Variants in LTBP1 observed in about 807,000 individuals in gnomAD.
LTBP1 encodes the protein latent-transforming growth factor beta-binding protein 1.
Under a neutral mutation model 207.6 loss-of-function variants are expected in LTBP1, and 129 were observed. That is an observed-to-expected ratio of 0.62 (90% CI 0.54 to 0.72). LTBP1 has a LOEUF of 0.72. LTBP1 is among the 30% of genes least tolerant of loss of function. The pLI is 0.00. For synonymous variants in LTBP1, 963 were observed against 833.7 expected (o/e 1.16, Z -2.67); for missense variants, 2,281 against 2,217.2 (o/e 1.03, Z -0.58).
At chr2:33,398,239 C>G (rs2034693) in intron 33 of LTBP1, 125 bp from the exon 34 acceptor site, 1 of 771,712 alleles carries the variant, frequency 1.3e-6, no homozygotes, top group South Asian at 2.0e-5. Flanking sequence ...TTGTCTGTGA[C>G]TGAAGCAATG....
rs70938398 is a variant in LTBP1, at chr2:33,382,074, C to CTTTTTTTTTTTTTTTTTTTTTTT, written c.4712-7094_4712-7072dup. On this transcript the variant is annotated intron_variant, in intron 31 of 33. Transcript: ENST00000404816. ...TACAGCAGTTAGCGCCCTACTGCTT[C>CTTTTTTTTTTTTTTTTTTTTTTT]TTTTTTTTTTTTTTTTTTTTTTTTT... 4.3e-5 allele frequency among the ~76,000 whole-genome samples: 2 copies of CTTTTTTTTTTTTTTTTTTTTTTT among 46,764 alleles called. 1 individual carries two copies. Among genetic ancestry groups the CTTTTTTTTTTTTTTTTTTTTTTT allele is most frequent in the Non-Finnish European group, 8.0e-5 (2 of 24,958 alleles). 30.7% of individuals were successfully genotyped at this position (46,764 alleles called of 152,430 possible).
intron 31 of LTBP1, among the ~76,000 whole-genome samples, chr2:33,382,251 C>T (rs747113557): frequency 7.9e-5 from 12 of 151,676 alleles, no homozygotes; most frequent in African/African-American, 2.2e-4. Flanking sequence ...CACGCCACCA[C>T]GCCTGGCTAA....
intron 2 of LTBP1, among the ~76,000 whole-genome samples, chr2:32,973,563 A>G (rs2148617891): frequency 6.6e-6 from 1 of 152,274 alleles, no homozygotes; most frequent in Admixed American, 6.5e-5. Flanking sequence ...ATCTTTCCCT[A>G]CAAGGACCCC....
At chr2:33,147,130 T>C (rs1283054651) in intron 5 of LTBP1, among the ~76,000 whole-genome samples, 2 of 152,200 alleles carry the variant, frequency 1.3e-5, no homozygotes, top group Non-Finnish European at 2.9e-5. Context: ...GGTAATATTA[T>C]ACAACAGAAT....
intron 18 of LTBP1, among the ~76,000 whole-genome samples, chr2:33,278,022 CAG>C (rs995848141): frequency 1.3e-4 from 19 of 150,808 alleles, no homozygotes; most frequent in African/African-American, 4.6e-4. Context: ...TTAGTAGAGA[CAG>C]GGTGTCACCG....
At chr2:33,145,300 C>T (rs764387720) in intron 5 of LTBP1, among the ~76,000 whole-genome samples, 15 of 151,954 alleles carry the variant, frequency 9.9e-5, no homozygotes, top group African/African-American at 3.1e-4. Context: ...TGAGAGATTT[C>T]GTTACTCTGA....
intron 31 of LTBP1, among the ~76,000 whole-genome samples, chr2:33,380,661 C>T (rs1295746924): frequency 6.6e-6 from 1 of 152,022 alleles, no homozygotes; most frequent in Non-Finnish European, 1.5e-5. Flanking sequence ...CCTCATTTTG[C>T]CAGTTAAAGT....
intron 18 of LTBP1, among the ~76,000 whole-genome samples, chr2:33,277,803 C>CTTTCTTTCTT (rs1558933747): frequency 1.7e-5 from 1 of 59,978 alleles, no homozygotes; most frequent in African/African-American, 7.3e-5. Context: ...CTTTCTCTCT[C>CTTTCTTTCTT]TCTTTCTTTT....
chr2:33,007,359 G>A (rs1477011408), intron 2 of LTBP1, among the ~76,000 whole-genome samples: 1 of 152,166 alleles, frequency 6.6e-6, no homozygotes, highest in Non-Finnish European at 1.5e-5. Context: ...TCCATCCTTA[G>A]TCACATAATG....
chr2:33,131,921 C>T (rs1298099766), intron 4 of LTBP1, among the ~76,000 whole-genome samples: 1 of 152,164 alleles, frequency 6.6e-6, no homozygotes, highest in East Asian at 1.9e-4. Context: ...AAAGTGACTA[C>T]TGTAGCTGGG....
intron 5 of LTBP1, among the ~76,000 whole-genome samples, chr2:33,148,871 G>A (rs78135740): frequency 0.048 from 7,356 of 152,258 alleles, 259 homozygotes; most frequent in Middle Eastern, 0.14. Flanking sequence ...TGCTCTTGGC[G>A]TATAGTGGGT....
intron 25 of LTBP1, among the ~76,000 whole-genome samples, chr2:33,343,959 A>C (rs953749761): frequency 1.3e-5 from 2 of 152,242 alleles, no homozygotes; most frequent in African/African-American, 2.4e-5. Context: ...TTATTCTTAG[A>C]GAAAAATAGC....
At chr2:33,224,100 C>G (rs533274697) in intron 9 of LTBP1, among the ~76,000 whole-genome samples, 23 of 152,266 alleles carry the variant, frequency 1.5e-4, no homozygotes, top group Admixed American at 9.2e-4. Context: ...TATGGGCCAT[C>G]TAACCTTATA....
chr2:33,024,954 G>T (rs1213956561), intron 3 of LTBP1, among the ~76,000 whole-genome samples: 1 of 152,214 alleles, frequency 6.6e-6, no homozygotes, highest in Non-Finnish European at 1.5e-5. Context: ...TGCCAAGATG[G>T]CTCACTTTCA....
chr2:33,050,645 A>G (rs968459605), intron 3 of LTBP1, among the ~76,000 whole-genome samples: 14 of 152,200 alleles, frequency 9.2e-5, no homozygotes, highest in African/African-American at 3.4e-4. Flanking sequence ...GATAGTGTCT[A>G]AGAGTCCTGG....
rs2095365031 is a variant in LTBP1 at position 33,397,048 on chromosome 2, A to G, written c.4835-85A>G. 6.1e-6 allele frequency: 8 copies of G among 1,307,272 alleles called. No homozygotes were observed. In the South Asian group the frequency reaches 1.1e-4, roughly 18 times the overall value. The allele number at this position is 1,307,272 out of a possible 1,614,324, so 81.0% of individuals were successfully genotyped here. A position where few individuals can be genotyped will look rare whatever the true frequency, so the allele number is the denominator to read the frequency against. ...ATGGACATATATGTGTCTATTTGGA[A>G]AATGAACCATCATCTAAATATCATT... On this transcript the variant is annotated intron_variant, in intron 32 of 33. Coordinates refer to ENST00000404816, the MANE Select transcript of LTBP1 (RefSeq NM_206943.4).
At chr2:33,276,651 G>A (rs899731964) in intron 18 of LTBP1, among the ~76,000 whole-genome samples, 1 of 152,170 alleles carries the variant, frequency 6.6e-6, no homozygotes, top group African/African-American at 2.4e-5. Flanking sequence ...AGGAGTTTGA[G>A]ACCAGCCTGG....
chr2:33,174,989 C>G (rs951106895), intron 5 of LTBP1, among the ~76,000 whole-genome samples: 1 of 152,016 alleles, frequency 6.6e-6, no homozygotes, highest in Non-Finnish European at 1.5e-5. Flanking sequence ...TTCCTTACAC[C>G]TTATACAAAA....
chr2:33,181,407 G>C (rs1360914040), intron 5 of LTBP1, among the ~76,000 whole-genome samples: 1 of 152,166 alleles, frequency 6.6e-6, no homozygotes, highest in Non-Finnish European at 1.5e-5. Context: ...AGACCAAAGT[G>C]AATGGTGGAA....
Sources: gnomAD v4.1 joint callset for allele counts (sites outside exome capture counted in the v4.1 genomes callset) on GRCh38, gnomAD v4.1.1 for gene constraint, MANE v1.5 for transcripts, NCBI Gene and HGNC (gene_info 2026-07-23, HGNC 2026-07-21) for gene names.